The following NLGN1 variants were observed in gnomAD, a reference collection of about 807,000 sequenced individuals.
NLGN1 encodes the protein neuroligin-1.
A neutral mutation model predicts 65.5 loss-of-function variants in NLGN1; 12 were observed. That is an observed-to-expected ratio of 0.18 (90% CI 0.12 to 0.30). The LOEUF (loss-of-function observed/expected upper bound fraction) is 0.30. NLGN1 is among the 10% of genes least tolerant of loss of function. NLGN1 has a pLI of 1.00. For missense variants in NLGN1, 750 were observed against 1,007.1 expected, an observed-to-expected ratio of 0.74 and a Z score of 3.46; for synonymous variants, 350 against 359.5, an observed-to-expected ratio of 0.97 and a Z score of 0.30.
intron 4 of NLGN1, among the ~76,000 whole-genome samples, chr3:174,145,279 C>T (rs950401824): frequency 6.6e-6 from 1 of 152,070 alleles, no homozygotes; most frequent in African/African-American, 2.4e-5. Context: ...CTTTGAGAGG[C>T]AGAGGTGGGT....
intron 2 of NLGN1, among the ~76,000 whole-genome samples, chr3:173,448,508 T>G (rs1338636488): frequency 5.3e-5 from 8 of 152,228 alleles, no homozygotes; most frequent in Non-Finnish European, 1.0e-4. Flanking sequence ...ATCAAGGATA[T>G]TGGTCTAAAA....
chr3:173,590,549 G>A (rs111895008), intron 2 of NLGN1, among the ~76,000 whole-genome samples: 1,591 of 152,126 alleles, frequency 0.01, 37 homozygotes, highest in African/African-American at 0.036. Flanking sequence ...TCTCTTCATC[G>A]CCTAGAGAAC....
chr3:173,562,237 C>T (rs1742851420), intron 2 of NLGN1, among the ~76,000 whole-genome samples: 1 of 152,118 alleles, frequency 6.6e-6, no homozygotes, highest in Non-Finnish European at 1.5e-5. Flanking sequence ...GTGTCTTGGC[C>T]ATGAGGAATG....
chr3:173,742,784 A>C (rs1774846010), intron 3 of NLGN1, among the ~76,000 whole-genome samples: 1 of 152,110 alleles, frequency 6.6e-6, no homozygotes, highest in African/African-American at 2.4e-5. Flanking sequence ...TTTCCATGAA[A>C]GTGGCCCTGG....
At chr3:174,192,462 T>C (rs916994089) in intron 4 of NLGN1, among the ~76,000 whole-genome samples, 2 of 152,180 alleles carry the variant, frequency 1.3e-5, no homozygotes, top group Non-Finnish European at 2.9e-5. Context: ...GCAGATGTTA[T>C]TACTCATAAA....
chr3:173,587,448 C>T (rs542924611), intron 2 of NLGN1, among the ~76,000 whole-genome samples: 2 of 152,140 alleles, frequency 1.3e-5, no homozygotes, highest in Admixed American at 6.5e-5. Flanking sequence ...TAAAAAGTTG[C>T]GGCCAGTAAA....
chr3:174,074,712 C>T (rs1003289711), intron 4 of NLGN1, among the ~76,000 whole-genome samples: 13 of 152,134 alleles, frequency 8.5e-5, no homozygotes, highest in Non-Finnish European at 1.8e-4. Context: ...CTTCCCAGTG[C>T]CAACTCACTA....
At chr3:173,822,180 T>C (rs541291000) in intron 4 of NLGN1, among the ~76,000 whole-genome samples, 100 of 152,226 alleles carry the variant, frequency 6.6e-4, no homozygotes, top group African/African-American at 2.4e-3. Flanking sequence ...TGCTTTTAAA[T>C]AGAAATAAGC....
chr3:173,427,290 T>C (rs1163009194), intron 1 of NLGN1, among the ~76,000 whole-genome samples: 1 of 152,012 alleles, frequency 6.6e-6, no homozygotes, highest in Non-Finnish European at 1.5e-5. Context: ...TTTTCTATTT[T>C]CTTTTTCATC....
intron 3 of NLGN1, among the ~76,000 whole-genome samples, chr3:173,697,732 G>A (rs11919398): frequency 0.097 from 14,798 of 152,078 alleles, 760 homozygotes; most frequent in Middle Eastern, 0.24. Flanking sequence ...GTGTCTCTGT[G>A]TTGGTCAGGC....
chr3:173,631,041 C>G lies in NLGN1; in HGVS notation c.493+25950C>G, dbSNP rs552549269. Among the ~76,000 whole-genome samples the G allele has an allele frequency of 9.2e-5, 14 of 152,230 alleles. No homozygotes were observed. The South Asian group carries it at 2.9e-3, about 32-fold the overall frequency. On this transcript the variant is annotated intron_variant, in intron 3 of 6. Transcript: ENST00000457714. Reference sequence around the variant, plus strand: ...TCAGGGCAATGAAGTTCTGCTGTGACTGCTCCGCCTTCTTTGTGATCTCTT... The same window carrying G: ...TCAGGGCAATGAAGTTCTGCTGTGAGTGCTCCGCCTTCTTTGTGATCTCTT...
chr3:173,650,189 C>G (rs1758926985), intron 3 of NLGN1, among the ~76,000 whole-genome samples: 1 of 152,080 alleles, frequency 6.6e-6, no homozygotes, highest in African/African-American at 2.4e-5. Context: ...TGAATATCCA[C>G]TTCATTCATC....
intron 4 of NLGN1, among the ~76,000 whole-genome samples, chr3:174,166,770 G>C (rs1038550061): frequency 3.3e-5 from 5 of 152,078 alleles, no homozygotes; most frequent in Admixed American, 1.3e-4. Flanking sequence ...TTCTAATGCT[G>C]TCAGTGGGGT....
chr3:173,481,485 T>G (rs1019677931), intron 2 of NLGN1, among the ~76,000 whole-genome samples: 5 of 151,986 alleles, frequency 3.3e-5, no homozygotes, highest in Admixed American at 1.3e-4. Flanking sequence ...ATATTTTGTT[T>G]CTTTCACTTA....
intron 3 of NLGN1, among the ~76,000 whole-genome samples, chr3:173,694,925 C>G (rs974067345): frequency 2.0e-5 from 3 of 152,148 alleles, no homozygotes; most frequent in African/African-American, 7.2e-5. Context: ...AGTGTGGACA[C>G]ATAGTTGAGG....
At chr3:173,989,678 A>T (rs1720688958) in intron 4 of NLGN1, among the ~76,000 whole-genome samples, 1 of 152,182 alleles carries the variant, frequency 6.6e-6, no homozygotes, top group Non-Finnish European at 1.5e-5. Context: ...TACAAAGAAG[A>T]CTCATGGGTT....
chr3:174,093,830 C>T (rs974738931), intron 4 of NLGN1, among the ~76,000 whole-genome samples: 9 of 152,166 alleles, frequency 5.9e-5, no homozygotes, highest in Non-Finnish European at 1.5e-5. Flanking sequence ...AGCCTCTTTG[C>T]TCCTCTCACC....
At chr3:173,933,283 C>A (rs1472559968) in intron 4 of NLGN1, among the ~76,000 whole-genome samples, 1 of 152,044 alleles carries the variant, frequency 6.6e-6, no homozygotes, top group Non-Finnish European at 1.5e-5. Flanking sequence ...GATTACAAAG[C>A]CTCATTGTGG....
At chr3:174,122,036 T>A (rs1717883292) in intron 4 of NLGN1, among the ~76,000 whole-genome samples, 1 of 152,218 alleles carries the variant, frequency 6.6e-6, no homozygotes, top group Admixed American at 6.5e-5. Context: ...CCGTCTTTCC[T>A]AAGTAAAGAC....
Sources: allele counts gnomAD v4.1 joint callset (sites outside exome capture counted in the v4.1 genomes callset), GRCh38; gene constraint gnomAD v4.1.1; transcripts MANE v1.5; gene names NCBI Gene and HGNC (gene_info 2026-07-23, HGNC 2026-07-21).